FYCO1: variants seen among roughly 807,000 people sequenced by gnomAD.
FYCO1 encodes FYVE and coiled-coil domain autophagy adaptor 1.
FYCO1 carries 122 observed loss-of-function variants against 165.1 expected under a neutral mutation model. That is an observed-to-expected ratio of 0.74 (90% CI 0.64 to 0.86). FYCO1 has a LOEUF of 0.86. Among genes scored for constraint, FYCO1 ranks in the 40% least tolerant of loss-of-function variants. FYCO1 has a pLI of 0.00. For missense variants in FYCO1, 1,702 were observed against 1,810.3 expected (o/e 0.94, Z 1.09); for synonymous variants, 648 against 742.5 (o/e 0.87, Z 2.07).
chr3:45,959,805 C>T (rs188281719), intron 11 of FYCO1, among the ~76,000 whole-genome samples: 38 of 152,290 alleles, frequency 2.5e-4, no homozygotes, highest in African/African-American at 8.4e-4. Context: ...GAGCTGCCAG[C>T]ACCAAAGAGA....
At chr3:45,956,263 G>A (rs1449196106) in intron 13 of FYCO1, among the ~76,000 whole-genome samples, 3 of 151,854 alleles carry the variant, frequency 2.0e-5, no homozygotes, top group African/African-American at 7.3e-5. Context: ...ATGAACCCAG[G>A]AGGCAGAGGT....
chr3:45,943,910 T>A (rs1423922869), intron 14 of FYCO1, among the ~76,000 whole-genome samples: 1 of 152,180 alleles, frequency 6.6e-6, no homozygotes, highest in Non-Finnish European at 1.5e-5. Context: ...TTTTATCAGA[T>A]TATCATTTAT....
chr3:45,951,808 C>A (rs1031137995), intron 14 of FYCO1, among the ~76,000 whole-genome samples: 3 of 152,186 alleles, frequency 2.0e-5, no homozygotes, highest in African/African-American at 7.2e-5. Flanking sequence ...GGAGTCCCAG[C>A]ATCAGGCCAC....
Position 45,968,438 on chromosome 3 carries a change from T to C in FYCO1, c.896A>G (p.Gln299Arg). 1 of 1,614,018 alleles carries C rather than the reference T, an allele frequency of 6.2e-7. No homozygotes were observed. The highest frequency in any genetic ancestry group is 2.2e-5 in the East Asian group (1 of 44,888). ...GGCCTGGGTGACCTCCCACTGCTTC[T>C]GGAGCTCAGCTACCAAGCAAGTGAG... ...VRLTCLVAELQKQWEVTQATQ... is the reference protein window; with the variant it reads ...VRLTCLVAELRKQWEVTQATQ... Residue 299 changes from glutamine (Q) to arginine (R), a missense_variant, in exon 8 of 18, where the codon CAG becomes CGG. Gln to Arg is a conservative substitution (Grantham distance 43, BLOSUM62 1). Transcript: ENST00000296137.
In FYCO1 at chr3:45,958,544, G is replaced by A. The variant is rs535772465; in HGVS notation, c.3663C>T (p.Arg1221=). 1 of 1,614,212 alleles carries A rather than the reference G, an allele frequency of 6.2e-7. No individual in the cohort carries two copies. Among genetic ancestry groups the A allele is most frequent in the African/African-American group, 1.3e-5 (1 of 75,070 alleles). The change falls in exon 13 of 18, where the codon CGC becomes CGT. Residue 1221 remains arginine, a synonymous_variant. Coordinates refer to ENST00000296137, the MANE Select transcript of FYCO1 (RefSeq NM_024513.4). ...GCTTCTGGAAACAGGCTCGGCAGCA[G>A]CGCTCCTTTTTGCCACCGTGCTTGC... is the stretch of plus-strand genomic sequence containing the variant. ...VLSKHGGKKE[R]CCRACFQKLS... is the part of the protein sequence containing the mutation.
At chr3:45,983,595 C>A (rs1489142124) in intron 2 of FYCO1, among the ~76,000 whole-genome samples, 1 of 152,198 alleles carries the variant, frequency 6.6e-6, no homozygotes, top group Non-Finnish European at 1.5e-5. Flanking sequence ...CCAATAAGGA[C>A]CTCCAGGTCT....
intron 1 of FYCO1, among the ~76,000 whole-genome samples, chr3:45,994,465 T>C (rs1414165933): frequency 5.3e-5 from 8 of 152,148 alleles, no homozygotes; most frequent in African/African-American, 1.7e-4. Flanking sequence ...ACTGTGACAA[T>C]TAGCTCTTAT....
At chr3:45,922,559 G>T (rs543400800) in intron 17 of FYCO1, among the ~76,000 whole-genome samples, 2 of 152,332 alleles carry the variant, frequency 1.3e-5, no homozygotes, top group Non-Finnish European at 2.9e-5. Context: ...CACTCTTGGG[G>T]TAGAGGGTGG....
chr3:45,962,218 C>T lies in FYCO1; in HGVS notation c.3437+7G>A. On this transcript the variant is annotated splice_region_variant and intron_variant, in intron 11 of 17. Coordinates refer to ENST00000296137, the MANE Select transcript of FYCO1 (RefSeq NM_024513.4). This position sits in a 1 kb window ranked among gnomAD's most constrained non-coding sequence, Gnocchi z 4.4. ...AACCCCAGCTGCTGGTTTGACACAGCACTCACCTGAGCAGCTCTATCAGCC... is the reference window on the plus strand; with the variant it reads ...AACCCCAGCTGCTGGTTTGACACAGTACTCACCTGAGCAGCTCTATCAGCC... 1.2e-6 allele frequency: 2 copies of T among 1,614,156 alleles called. No homozygotes were observed. Among genetic ancestry groups the T allele is most frequent in the Non-Finnish European group, 1.7e-6 (2 of 1,179,974 alleles).
At chr3:45,946,514 G>A (rs1704618239) in intron 14 of FYCO1, 1 of 1,613,994 alleles carries the variant, frequency 6.2e-7, no homozygotes. Flanking sequence ...AAGACTATGG[G>A]TTCAGCAGTT....
intron 15 of FYCO1, among the ~76,000 whole-genome samples, chr3:45,933,285 C>A (rs563858547): frequency 2.6e-5 from 4 of 152,302 alleles, no homozygotes; most frequent in African/African-American, 9.6e-5. Flanking sequence ...ATAATCCCAA[C>A]CTTTAACATG....
intron 11 of FYCO1, among the ~76,000 whole-genome samples, chr3:45,959,996 T>C (rs1705596869): frequency 6.6e-6 from 1 of 152,144 alleles, no homozygotes; most frequent in Non-Finnish European, 1.5e-5. Context: ...AATTAATCAG[T>C]GGAGAAGATC....
rs1164622901 is a variant in FYCO1 at position 45,967,863 on chromosome 3, T to C, written c.1471A>G (p.Arg491Gly). The C allele has an allele frequency of 1.1e-5, 17 of 1,613,938 alleles. No homozygotes were observed. The Admixed American group carries it at 2.8e-4, about 27-fold the overall frequency. Residue 491 changes from arginine to glycine, a missense_variant, in exon 8 of 18, where the codon AGG becomes GGG. By Grantham distance (125) the Arg-to-Gly change is moderately radical. Coordinates refer to ENST00000296137, the MANE Select transcript of FYCO1 (RefSeq NM_024513.4). The part of the protein sequence containing the change: ...SSWEEELAEL[R>G]REKKQQQEEK... Reference sequence around the variant, plus strand: ...TCCTGTTGCTGTTTTTTCTCCCGCCTCAACTCTGCTAGCTCCTCCTCCCAG... The same window carrying C: ...TCCTGTTGCTGTTTTTTCTCCCGCCCCAACTCTGCTAGCTCCTCCTCCCAG...
chr3:45,919,178 A>G lies in FYCO1; in HGVS notation c.*2587T>C, dbSNP rs1255369292. 6.6e-6 allele frequency: 1 copy of G among 152,026 alleles called. No individual in the cohort carries two copies. The highest frequency in any genetic ancestry group is 1.9e-4 in the East Asian group (1 of 5,194). The allele number at this position is 152,026 out of a possible 1,614,324, so 9.4% of individuals were successfully genotyped here. A position where few individuals can be genotyped will look rare whatever the true frequency, so the allele number is the denominator to read the frequency against. ...CTACCACCTGCAGCAGTGGTTCTTC[A>G]ATTGCTATTTGCATTTCTTTAAAGT... On this transcript the variant is annotated 3_prime_UTR_variant, in exon 18 of 18. Transcript: ENST00000296137.
chr3:45,980,021 C>G (rs1053904776), intron 3 of FYCO1, among the ~76,000 whole-genome samples, 191 bp from the exon 4 acceptor site: 2 of 152,060 alleles, frequency 1.3e-5, no homozygotes, highest in Non-Finnish European at 2.9e-5. Flanking sequence ...GGAAAACCAC[C>G]GAAGGTGTTA....
rs1206836207 is a variant in FYCO1 at position 45,968,560 on chromosome 3, T to C, written c.774A>G (p.Arg258=). Residue 258 remains arginine (R), a synonymous_variant, in exon 8 of 18, where the codon AGA becomes AGG. Transcript: ENST00000296137. ...CAGCTGCCCTCAGCTCCTGGTTCTCTCTGTCCAGCTGCTGCATGCGCTCCC... is the reference window on the plus strand; with the variant it reads ...CAGCTGCCCTCAGCTCCTGGTTCTCCCTGTCCAGCTGCTGCATGCGCTCCC... ...QLRERMQQLD[R]ENQELRAAVS... 1.9e-6 allele frequency: 3 copies of C among 1,613,882 alleles called. No homozygotes were observed. Among genetic ancestry groups the C allele is most frequent in the Admixed American group, 3.3e-5 (2 of 60,010 alleles).
In FYCO1 at chr3:45,968,116, C is replaced by G. The variant is rs1050977875; in HGVS notation, c.1218G>C (p.Lys406Asn). The G allele has an allele frequency of 2.5e-6, 4 of 1,614,200 alleles. No homozygotes were observed. The highest frequency in any genetic ancestry group is 2.5e-6 in the Non-Finnish European group (3 of 1,180,046). Residue 406 changes from lysine (K) to asparagine (N), a missense_variant, in exon 8 of 18, where the codon AAG (lysine) becomes AAC (asparagine). Lys to Asn is a moderately conservative substitution (Grantham distance 94). Transcript: ENST00000296137. ...TTCTCTCCCTTTCTAGGGCTTGAAG[C>G]TTCTCCCCTAGCTCCTGCATCTCCT... ...AAQEMQELGE[K>N]LQALERERTK...
intron 16 of FYCO1, 87 bp downstream of exon 16, chr3:45,930,984 G>A (rs763221252): frequency 8.2e-7 from 1 of 1,215,788 alleles, no homozygotes; most frequent in African/African-American, 1.5e-5. Context: ...CAGAGGATAG[G>A]ATGGCCACTG....
At chr3:45,981,723 C>T in intron 2 of FYCO1, 47 bp from the exon 3 acceptor site, 1 of 1,299,732 alleles carries the variant, frequency 7.7e-7, no homozygotes, top group South Asian at 1.2e-5. Flanking sequence ...TGACTAAACT[C>T]AGACAGAGAA....
Sources: allele counts gnomAD v4.1 joint callset (sites outside exome capture counted in the v4.1 genomes callset), GRCh38; gene constraint gnomAD v4.1.1; non-coding constraint Gnocchi (gnomAD v3.1); transcripts MANE v1.5; gene names NCBI Gene and HGNC (gene_info 2026-07-23, HGNC 2026-07-21).